Variants in PLXNA4 observed in about 807,000 individuals in gnomAD.
PLXNA4 encodes the protein plexin-A4.
Under a neutral mutation model 191.8 loss-of-function variants are expected in PLXNA4, and 44 were observed. The ratio of observed to expected loss-of-function variants is 0.23; its 90% CI spans 0.18 to 0.29. PLXNA4 has a LOEUF of 0.29. PLXNA4 is among the 10% of genes least tolerant of loss of function. PLXNA4 has a pLI of 1.00. For missense variants in PLXNA4, 1,800 were observed against 2,488.8 expected (o/e 0.72, Z 5.89); for synonymous variants, 1,082 against 1,009.5 (o/e 1.07, Z -1.36).
At chr7:132,255,113 A>C (rs1437256030) in intron 4 of PLXNA4, among the ~76,000 whole-genome samples, 1 of 152,214 alleles carries the variant, frequency 6.6e-6, no homozygotes, top group Admixed American at 6.5e-5. Flanking sequence ...AGACAAGCTC[A>C]GTAGATGGAG....
At position 132,421,158 on chromosome 7, in the gene PLXNA4, C is replaced by G. The variant is rs114408103; in HGVS notation, c.1371+68134G>C. 9.3e-3 allele frequency among the ~76,000 whole-genome samples: 1,413 copies of G among 152,282 alleles called. 19 individuals are homozygous for G. Among genetic ancestry groups the G allele is most frequent in the African/African-American group, 0.033 (1,353 of 41,546 alleles). ...CTTTCTGTCTTTATGAATTTGACTA[C>G]TCCAGGTACTTTATGTAGGTGGAAT... On this transcript the variant is annotated intron_variant, in intron 3 of 31. Transcript: ENST00000321063.
At position 132,218,237 on chromosome 7, in the gene PLXNA4, T is replaced by C. The variant is rs1798031659; in HGVS notation, c.2097+5290A>G. ...CTGGCTCTGAATTTCTTTTCAGGGG[T>C]GTTGGGGTATTAGGGGATGTTGGGA... On this transcript the variant is annotated intron_variant, in intron 9 of 31. Transcript: ENST00000321063. Among the ~76,000 whole-genome samples, 3 of 151,802 alleles carry C rather than the reference T, an allele frequency of 2.0e-5. No homozygotes were observed. The East Asian group carries it at 5.8e-4, about 29-fold the overall frequency.
At chr7:132,179,651 C>A (rs1584803950) in intron 20 of PLXNA4, 36 bp downstream of exon 20, 3 of 1,600,470 alleles carry the variant, frequency 1.9e-6, no homozygotes, top group Non-Finnish European at 2.6e-6. Flanking sequence ...CACACACGCA[C>A]ACACACATGG....
At chr7:132,580,612 T>A (rs1289115377), upstream of PLXNA4, among the ~76,000 whole-genome samples, 2 of 152,172 alleles carry the variant, frequency 1.3e-5, no homozygotes, top group Non-Finnish European at 2.9e-5. Context: ...AAGTATTGGT[T>A]CATCTCCCAC....
chr7:132,628,461 T>C (rs1401867555), intron 2 of PLXNA4, among the ~76,000 whole-genome samples: 1 of 152,182 alleles, frequency 6.6e-6, no homozygotes, highest in African/African-American at 2.4e-5. Flanking sequence ...TTTTTCTCCT[T>C]GATTATGCTG....
chr7:132,636,807 G>T (rs1018555459), intron 2 of PLXNA4, among the ~76,000 whole-genome samples: 3 of 152,134 alleles, frequency 2.0e-5, no homozygotes, highest in African/African-American at 7.2e-5. Flanking sequence ...CTGGCCTCAG[G>T]CACTGAATCA....
intron 3 of PLXNA4, among the ~76,000 whole-genome samples, chr7:132,369,572 G>T (rs1020130044): frequency 6.6e-6 from 1 of 152,116 alleles, no homozygotes; most frequent in African/African-American, 2.4e-5. Flanking sequence ...ACACCAAAAA[G>T]AGAGGGCACC....
At chr7:132,600,418 C>A (rs1802795105) in intron 2 of PLXNA4, among the ~76,000 whole-genome samples, 1 of 152,154 alleles carries the variant, frequency 6.6e-6, no homozygotes, top group Non-Finnish European at 1.5e-5. Context: ...AGCTGGAGTG[C>A]AGTGGTGTGA....
intron 3 of PLXNA4, among the ~76,000 whole-genome samples, chr7:132,337,388 C>A (rs1802860522): frequency 6.6e-6 from 1 of 152,250 alleles, no homozygotes; most frequent in South Asian, 2.1e-4. Context: ...TACTCAGATG[C>A]ATGCACAGAA....
Position 132,503,733 on chromosome 7 carries a change from T to C in PLXNA4, c.1188+3773A>G, listed in dbSNP as rs156955. ...AAATCACTGCCATTCCCCACATGAGTGCTCATTAGCAAATCAGTCTCAGCT... is the reference window on the plus strand; with the variant it reads ...AAATCACTGCCATTCCCCACATGAGCGCTCATTAGCAAATCAGTCTCAGCT... On this transcript the variant is annotated intron_variant, in intron 2 of 31. Transcript: ENST00000321063. Among the ~76,000 whole-genome samples the C allele has an allele frequency of 1.8e-3, 270 of 152,274 alleles. 2 individuals are homozygous for C. The highest frequency in any genetic ancestry group is 1.6e-3 in the Non-Finnish European group (110 of 68,016).
chr7:132,157,415 G>T (rs1170458197), intron 25 of PLXNA4, among the ~76,000 whole-genome samples: 1 of 152,190 alleles, frequency 6.6e-6, no homozygotes. Flanking sequence ...GACTTGCCTT[G>T]CTGGGCTTGC....
intron 3 of PLXNA4, among the ~76,000 whole-genome samples, chr7:132,441,382 C>T (rs277491): frequency 6.6e-6 from 1 of 152,186 alleles, no homozygotes; most frequent in African/African-American, 2.4e-5. Flanking sequence ...CTCAGATCAT[C>T]GTGAGTTCTT....
At chr7:132,506,372 A>C (rs919529288) in intron 2 of PLXNA4, among the ~76,000 whole-genome samples, 7 of 152,226 alleles carry the variant, frequency 4.6e-5, no homozygotes, top group Admixed American at 4.6e-4. Flanking sequence ...ACCAAAGTTT[A>C]AGGAGTCAAG....
rs553179602 is a variant in PLXNA4, at chr7:132,129,500, T to C, written c.*979A>G. The C allele has an allele frequency of 6.6e-6, 1 of 152,360 alleles. No individual in the cohort carries two copies. Among genetic ancestry groups the C allele is most frequent in the African/African-American group, 2.4e-5 (1 of 41,574 alleles). 9.4% of individuals were successfully genotyped at this position (152,360 alleles called of 1,614,324 possible). A position where few individuals can be genotyped will look rare whatever the true frequency, so the allele number is the denominator to read the frequency against. On this transcript the variant is annotated 3_prime_UTR_variant, in exon 32 of 32. Coordinates refer to ENST00000321063, the MANE Select transcript of PLXNA4 (RefSeq NM_020911.2). ...CTCTGCATTTCACGTTGACCCTTGATGAAGGTTGACAAAGGAGGGTGGAGA... is the reference window on the plus strand; with the variant it reads ...CTCTGCATTTCACGTTGACCCTTGACGAAGGTTGACAAAGGAGGGTGGAGA...
intron 1 of PLXNA4, among the ~76,000 whole-genome samples, chr7:132,530,643 T>C (rs1259450403): frequency 1.3e-5 from 2 of 152,212 alleles, no homozygotes; most frequent in African/African-American, 2.4e-5. Context: ...CTGGTGAAAG[T>C]GTAAAATGGT....
Position 132,127,920 on chromosome 7 carries a change from GCTTCAGCAGAA to G in PLXNA4, c.*2548_*2558del, listed in dbSNP as rs1472707658. ...AATCATCATCCAGTAAAAAATAAAA[GCTTCAGCAGAA>G]CCGTGATAAGTCTTTTTTCTTTTTT... On this transcript the variant is annotated 3_prime_UTR_variant, in exon 32 of 32. Coordinates refer to ENST00000321063, the MANE Select transcript of PLXNA4 (RefSeq NM_020911.2). The G allele has an allele frequency of 1.4e-5, 2 of 143,092 alleles. No individual in the cohort carries two copies. Among genetic ancestry groups the G allele is most frequent in the African/African-American group, 5.2e-5 (2 of 38,524 alleles). 8.9% of individuals were successfully genotyped at this position (143,092 alleles called of 1,614,324 possible).
chr7:132,133,244 G>T (rs1320424219), intron 30 of PLXNA4, 45 bp from the exon 31 acceptor site: 1 of 1,597,944 alleles, frequency 6.3e-7, no homozygotes, highest in East Asian at 2.2e-5. Flanking sequence ...CGTGCATACG[G>T]AGTAGAGGAG....
intron 3 of PLXNA4, among the ~76,000 whole-genome samples, chr7:132,409,370 C>T (rs1794358137): frequency 6.6e-6 from 1 of 152,188 alleles, no homozygotes. Flanking sequence ...AGACGTCTTC[C>T]CTTGACCAAA....
intron 29 of PLXNA4, among the ~76,000 whole-genome samples, chr7:132,141,394 T>C (rs1795264465): frequency 6.6e-6 from 1 of 152,096 alleles, no homozygotes; most frequent in African/African-American, 2.4e-5. Context: ...AAACCCACAT[T>C]CACCCACCTC....
Sources: gnomAD v4.1 joint callset for allele counts (sites outside exome capture counted in the v4.1 genomes callset) on GRCh38, gnomAD v4.1.1 for gene constraint, MANE v1.5 for transcripts, NCBI Gene and HGNC (gene_info 2026-07-23, HGNC 2026-07-21) for gene names.